VPS53: variants seen among roughly 807,000 people sequenced by gnomAD.
VPS53 encodes vacuolar protein sorting-associated protein 53 homolog.
Under a neutral mutation model 107.0 loss-of-function variants are expected in VPS53, and 70 were observed. The observed-to-expected ratio is 0.65, with a 90% CI of 0.54 to 0.80. The LOEUF (loss-of-function observed/expected upper bound fraction) is 0.80. VPS53 is among the 30% of genes least tolerant of loss of function. VPS53 has a pLI of 0.00. For synonymous variants in VPS53, 409 were observed against 393.3 expected (o/e 1.04, Z -0.47); for missense variants, 917 against 1,049.4 (o/e 0.87, Z 1.74).
intron 4 of VPS53, among the ~76,000 whole-genome samples, chr17:675,835 A>C (rs1696711500): frequency 6.6e-6 from 1 of 151,916 alleles, no homozygotes; most frequent in African/African-American, 2.4e-5. Flanking sequence ...CCCCCCTCCA[A>C]ATTGGGGGTC....
chr17:623,105 C>A (rs1428128295), intron 11 of VPS53, among the ~76,000 whole-genome samples: 1 of 152,106 alleles, frequency 6.6e-6, no homozygotes, highest in South Asian at 2.1e-4. Context: ...AGTCCCCAGG[C>A]CTGTATACCT....
In VPS53 at chr17:510,638, AGATAAT is replaced by A. The variant is rs1303966944; in HGVS notation, c.*8484_*8489del. ...AACTTAGCAGGAATTTCATCCGATG[AGATAAT>A]GTATCCAGGACACAGTAAATACACA... On this transcript the variant is annotated 3_prime_UTR_variant, in exon 22 of 22. Transcript: ENST00000437048. The A allele has an allele frequency of 6.5e-6, 1 of 153,962 alleles. No individual in the cohort carries two copies. The highest frequency in any genetic ancestry group is 2.4e-5 in the African/African-American group (1 of 41,460). The allele number at this position is 153,962 out of a possible 1,614,324, so 9.5% of individuals were successfully genotyped here.
At chr17:699,241 C>A in intron 3 of VPS53, 90 bp downstream of exon 3, 1 of 1,016,188 alleles carries the variant, frequency 9.8e-7, no homozygotes, top group Non-Finnish European at 1.4e-6. Context: ...GATTTCAGTG[C>A]TCTCACAGAA....
At chr17:543,317 CTT>C (rs1196548044) in intron 17 of VPS53, among the ~76,000 whole-genome samples, 2 of 152,288 alleles carry the variant, frequency 1.3e-5, no homozygotes, top group Non-Finnish European at 2.9e-5. Flanking sequence ...TTCAAAGTGT[CTT>C]TGGGGGATTA....
chr17:602,376 T>C (rs926133350), intron 11 of VPS53, among the ~76,000 whole-genome samples: 11 of 152,298 alleles, frequency 7.2e-5, no homozygotes, highest in African/African-American at 1.7e-4. Flanking sequence ...CCTCAGTAAA[T>C]AGAAATGAAT....
chr17:665,897 G>A (rs533973037), intron 4 of VPS53, among the ~76,000 whole-genome samples: 314 of 152,104 alleles, frequency 2.1e-3, no homozygotes, highest in Non-Finnish European at 2.4e-3. Context: ...CCAGCTACTC[G>A]GGAGGCTGAG....
Position 697,465 on chromosome 17 carries a change from G to A in VPS53, c.238C>T (p.Arg80Ter), listed in dbSNP as rs765232870. Residue 80 changes from arginine to a stop codon, truncating the protein, a stop_gained, in exon 4 of 22, where the codon CGA becomes TGA. Transcript: ENST00000437048. LOFTEE classifies it high-confidence loss of function. ...LKIRRLDDNI[R>*]TVVRGQTNVG... ...TTCGTCTGACCTCTTACAACAGTTC[G>A]AATATTGTCATCCAGTCTCCTAGCA... 102 of 1,613,656 alleles carry A rather than the reference G, an allele frequency of 6.3e-5. No homozygotes were observed. The highest frequency in any genetic ancestry group is 8.6e-5 in the Non-Finnish European group (101 of 1,179,684).
chr17:637,429 T>C (rs528069412), intron 7 of VPS53, among the ~76,000 whole-genome samples: 28 of 152,226 alleles, frequency 1.8e-4, no homozygotes, highest in Admixed American at 3.3e-4. Flanking sequence ...TCAGTTCTGC[T>C]CTGATCTTAG....
intron 7 of VPS53, among the ~76,000 whole-genome samples, chr17:642,319 G>C (rs1054978512): frequency 6.6e-6 from 1 of 152,086 alleles, no homozygotes; most frequent in African/African-American, 2.4e-5. Context: ...ACTCATACTT[G>C]GAAAGCGAGG....
At position 647,691 on chromosome 17, in the gene VPS53, AGGGTGGCGATTTCCCTAGC is replaced by A. The variant is rs979928053; in HGVS notation, c.608+5581_608+5599del. 1.9e-4 allele frequency among the ~76,000 whole-genome samples: 29 copies of A among 152,190 alleles called. 1 individual carries two copies. Among genetic ancestry groups the A allele is most frequent in the Admixed American group, 1.6e-3 (25 of 15,258 alleles). On this transcript the variant is annotated intron_variant, in intron 7 of 21. Coordinates refer to ENST00000437048, the MANE Select transcript of VPS53 (RefSeq NM_001128159.3). ...GTGAGGGGTAGGAAGGATGAGGGAA[AGGGTGGCGATTTCCCTAGC>A]GTTCTGCCAAGCTCGGCAAGATGCA...
chr17:580,516 A>G (rs1285936732), intron 13 of VPS53, among the ~76,000 whole-genome samples: 1 of 151,158 alleles, frequency 6.6e-6, no homozygotes, highest in African/African-American at 2.4e-5. Flanking sequence ...AACTTCCCTC[A>G]GAACCTAATT....
At chr17:586,566 C>T (rs1312085723) in intron 12 of VPS53, among the ~76,000 whole-genome samples, 1 of 152,102 alleles carries the variant, frequency 6.6e-6, no homozygotes, top group Non-Finnish European at 1.5e-5. Flanking sequence ...TTGCTCTGGA[C>T]GATGAAAGAC....
At chr17:640,246 G>C (rs1261236856) in intron 7 of VPS53, among the ~76,000 whole-genome samples, 2 of 152,192 alleles carry the variant, frequency 1.3e-5, no homozygotes, top group African/African-American at 2.4e-5. Flanking sequence ...AAGACTGTTG[G>C]AAAAGTGCAG....
chr17:662,795 G>GAA (rs879813835), intron 4 of VPS53, among the ~76,000 whole-genome samples: 1,818 of 139,400 alleles, frequency 0.013, 40 homozygotes, highest in Middle Eastern at 0.034. Flanking sequence ...AAAAAAGAAA[G>GAA]AGAAAGAAAG....
chr17:690,158 TGATAAA>T (rs1383758610), intron 4 of VPS53, among the ~76,000 whole-genome samples: 1 of 152,162 alleles, frequency 6.6e-6, no homozygotes, highest in Admixed American at 6.5e-5. Context: ...AATCTGCTAA[TGATAAA>T]GTGGGGAGGT....
chr17:519,236 C>A lies in VPS53; in HGVS notation c.2391G>T (p.Pro797=), dbSNP rs1012723068. The A allele has an allele frequency of 4.5e-6, 7 of 1,547,418 alleles. No individual in the cohort carries two copies. The highest frequency in any genetic ancestry group is 6.1e-6 in the Non-Finnish European group (7 of 1,145,422). ...AGCCGGAGCTTTCTGCCCCCGAGGG[C>A]GGTGCGGGGAGCCGCTGGCGCAGGA... is the stretch of plus-strand genomic sequence containing the variant. ...LELLRQRLPA[P]PSGAESSGSL... Residue 797 remains proline, a synonymous_variant, in exon 22 of 22, where the codon CCG becomes CCT. Transcript: ENST00000437048. The surrounding 1 kb of genome is among the most constrained non-coding windows in gnomAD (Gnocchi z 5.0).
chr17:565,114 ATT>A (rs1913365690), intron 13 of VPS53, among the ~76,000 whole-genome samples: 1 of 152,186 alleles, frequency 6.6e-6, no homozygotes, highest in South Asian at 2.1e-4. Flanking sequence ...TTGAAAGTCT[ATT>A]ATAGGCCCAA....
intron 6 of VPS53, 60 bp from the exon 7 acceptor site, chr17:653,470 A>G (rs1971044547): frequency 1.2e-6 from 2 of 1,610,484 alleles, no homozygotes; most frequent in African/African-American, 1.3e-5. Flanking sequence ...AGATACAGAC[A>G]CAGAACAACC....
intron 18 of VPS53, among the ~76,000 whole-genome samples, chr17:533,369 G>C (rs563859499): frequency 1.4e-3 from 214 of 152,228 alleles, no homozygotes; most frequent in Middle Eastern, 6.8e-3. Context: ...TTGGGCTCCG[G>C]AAGTGCTGGG....
Sources: allele counts gnomAD v4.1 joint callset (sites outside exome capture counted in the v4.1 genomes callset), GRCh38; gene constraint gnomAD v4.1.1; non-coding constraint Gnocchi (gnomAD v3.1); transcripts MANE v1.5; gene names NCBI Gene and HGNC (gene_info 2026-07-23, HGNC 2026-07-21).